TBCE: variants seen among roughly 807,000 people sequenced by gnomAD.
TBCE encodes the protein tubulin-specific chaperone E.
TBCE carries 53 observed loss-of-function variants against 77.0 expected under a neutral mutation model. The ratio of observed to expected loss-of-function variants is 0.69; its 90% CI spans 0.55 to 0.87. The LOEUF (loss-of-function observed/expected upper bound fraction) is 0.87. Among genes scored for constraint, TBCE ranks in the 40% least tolerant of loss-of-function variants. The probability of loss-of-function intolerance (pLI) is 0.00; values close to 1 mark genes in which losing one functional copy is unlikely to be tolerated. For missense variants in TBCE, 624 were observed against 622.4 expected, an observed-to-expected ratio of 1.00 and a Z score of -0.03; for synonymous variants, 235 against 241.3, an observed-to-expected ratio of 0.97 and a Z score of 0.24.
chr1:235,373,466 C>T (rs754340061), intron 1 of TBCE, among the ~76,000 whole-genome samples: 187 of 151,162 alleles, frequency 1.2e-3, no homozygotes, highest in Non-Finnish European at 2.3e-3. Flanking sequence ...TTCTTTGAGA[C>T]GCAGTCTCAC....
intron 2 of TBCE, among the ~76,000 whole-genome samples, chr1:235,387,972 A>C (rs1486453856): frequency 6.6e-6 from 1 of 152,196 alleles, no homozygotes; most frequent in African/African-American, 2.4e-5. Flanking sequence ...AACAAGATAC[A>C]TGTGGACTCT....
chr1:235,446,468 C>T (rs990024057), intron 15 of TBCE, among the ~76,000 whole-genome samples: 10 of 151,868 alleles, frequency 6.6e-5, no homozygotes, highest in Admixed American at 2.0e-4. Context: ...TGAGCCACTG[C>T]GCCTGGCTTA....
At chr1:235,373,851 G>A (rs1271816109) in intron 1 of TBCE, among the ~76,000 whole-genome samples, 3 of 145,068 alleles carry the variant, frequency 2.1e-5, no homozygotes, top group African/African-American at 5.3e-5. Flanking sequence ...GTGTTTCACC[G>A]TGTTAGCCAG....
intron 3 of TBCE, among the ~76,000 whole-genome samples, chr1:235,412,880 C>T (rs1000535455): frequency 2.6e-5 from 4 of 152,152 alleles, no homozygotes; most frequent in South Asian, 2.1e-4. Flanking sequence ...CTTGGCTCAC[C>T]GCAACCTCTG....
chr1:235,382,975 C>T lies in TBCE; in HGVS notation c.100+2826C>T, dbSNP rs1190170669. Reference sequence around the variant, plus strand: ...TCTAACGTTTAAGTCTTTAATCCATCTTGAATTAATTTTTGTATAAGGTGT... The same window carrying T: ...TCTAACGTTTAAGTCTTTAATCCATTTTGAATTAATTTTTGTATAAGGTGT... On this transcript the variant is annotated intron_variant, in intron 2 of 16. Transcript: ENST00000642610. Among the ~76,000 whole-genome samples the T allele has an allele frequency of 2.0e-5, 3 of 147,756 alleles. No individual in the cohort carries two copies. The East Asian group carries it at 5.9e-4, about 29-fold the overall frequency.
At chr1:235,372,720 C>T (rs12077636) in intron 1 of TBCE, among the ~76,000 whole-genome samples, 237 of 151,548 alleles carry the variant, frequency 1.6e-3, no homozygotes, top group African/African-American at 5.4e-3. Flanking sequence ...GTCAGGAGAT[C>T]GAGACCATCC....
intron 7 of TBCE, among the ~76,000 whole-genome samples, chr1:235,431,186 T>G (rs577565827): frequency 6.6e-6 from 1 of 152,248 alleles, no homozygotes; most frequent in African/African-American, 2.4e-5. Flanking sequence ...GCAGAAAGGT[T>G]CTCACATACT....
chr1:235,438,877 G>T lies in TBCE; in HGVS notation c.1225G>T (p.Glu409Ter). 3.7e-6 allele frequency: 6 copies of T among 1,614,136 alleles called. No homozygotes were observed. The highest frequency in any genetic ancestry group is 5.1e-6 in the Non-Finnish European group (6 of 1,180,018). ...GGATCCGGAAAAAAACAGACTCAGC[G>T]AAGAATTCCTCACAGCCCATCCCAG... ...HKDPEKNRLS[E>*]EFLTAHPRYQ... Residue 409 changes from glutamate to a stop codon, truncating the protein, a stop_gained, in exon 13 of 17, where the codon GAA becomes TAA. Transcript: ENST00000642610. LOFTEE classifies it high-confidence loss of function.
chr1:235,448,482 T>A, intron 16 of TBCE, 42 bp downstream of exon 16: 1 of 1,573,224 alleles, frequency 6.4e-7, no homozygotes, highest in South Asian at 1.1e-5. Context: ...TCAAGCTTAG[T>A]CCTCGTATTA....
chr1:235,373,467 G>T (rs148292646), intron 1 of TBCE, among the ~76,000 whole-genome samples: 17 of 151,206 alleles, frequency 1.1e-4, no homozygotes, highest in Admixed American at 1.1e-3. Context: ...TCTTTGAGAC[G>T]CAGTCTCACT....
chr1:235,390,284 G>A (rs1288435138), intron 2 of TBCE, among the ~76,000 whole-genome samples: 3 of 152,134 alleles, frequency 2.0e-5, no homozygotes, highest in Non-Finnish European at 4.4e-5. Context: ...ATACTGTGGT[G>A]GGCAGGATAA....
chr1:235,430,508 A>G (rs1394946327), intron 6 of TBCE, 197 bp from the exon 7 acceptor site: 4 of 478,816 alleles, frequency 8.4e-6, no homozygotes, highest in Non-Finnish European at 1.5e-5. Context: ...AAAAAGTTGT[A>G]TGTTGTAAAT....
intron 11 of TBCE, 64 bp from the exon 12 acceptor site, chr1:235,437,258 C>T (rs1681522098): frequency 6.2e-7 from 1 of 1,608,692 alleles, no homozygotes; most frequent in Admixed American, 1.7e-5. Context: ...GTTGCTGGTT[C>T]AAACTTCTGC....
intron 5 of TBCE, among the ~76,000 whole-genome samples, chr1:235,425,951 G>C (rs1342656430): frequency 2.0e-5 from 3 of 152,180 alleles, no homozygotes; most frequent in Non-Finnish European, 4.4e-5. Context: ...GCACAGACAG[G>C]CCTGCCTGTG....
Position 235,436,614 on chromosome 1 carries a change from A to G in TBCE, c.963+6A>G. ...ACGACAATCAGATATCACAAGTAAG[A>G]GCTGCTCGGAGTATGCCCAGCACAC... On this transcript the variant is annotated splice_donor_region_variant and intron_variant, in intron 11 of 16. Transcript: ENST00000642610. The G allele has an allele frequency of 6.2e-7, 1 of 1,612,258 alleles. No individual in the cohort carries two copies. The highest frequency in any genetic ancestry group is 8.5e-7 in the Non-Finnish European group (1 of 1,178,252).
At chr1:235,448,122 C>T (rs1682555575) in intron 15 of TBCE, among the ~76,000 whole-genome samples, 1 of 151,118 alleles carries the variant, frequency 6.6e-6, no homozygotes, top group African/African-American at 2.4e-5. Flanking sequence ...ATTGTTTGAA[C>T]CCGGGAAGCG....
At chr1:235,446,078 T>G (rs1439958480) in intron 15 of TBCE, among the ~76,000 whole-genome samples, 3 of 152,190 alleles carry the variant, frequency 2.0e-5, no homozygotes, top group Non-Finnish European at 2.9e-5. Context: ...TACTGGGCAG[T>G]GTATGGCTAG....
intron 3 of TBCE, among the ~76,000 whole-genome samples, chr1:235,410,026 T>A (rs1348312041): frequency 1.4e-5 from 2 of 147,064 alleles, no homozygotes; most frequent in Admixed American, 1.4e-4. Context: ...TGAGACTCTG[T>A]CTCAAACAAA....
rs184087218 is a variant in TBCE at position 235,425,798 on chromosome 1, C to T, written c.461-1342C>T. ...GGGCCTTTTGCTCTTGTCACTCCTC[C>T]GCCATGTGCTCCTCTCCCAGATGGC... On this transcript the variant is annotated intron_variant, in intron 5 of 16. Coordinates refer to ENST00000642610, the MANE Select transcript of TBCE (RefSeq NM_003193.5). Among the ~76,000 whole-genome samples, 51 of 152,210 alleles carry T rather than the reference C, an allele frequency of 3.4e-4. No individual in the cohort carries two copies. In the East Asian group the frequency reaches 5.2e-3, roughly 16 times the overall value.
Sources: gnomAD v4.1 joint callset for allele counts (sites outside exome capture counted in the v4.1 genomes callset) on GRCh38, gnomAD v4.1.1 for gene constraint, MANE v1.5 for transcripts, NCBI Gene and HGNC (gene_info 2026-07-23, HGNC 2026-07-21) for gene names.